The following WWP1 variants were observed in gnomAD, a reference collection of about 807,000 sequenced individuals.
WWP1 encodes the protein NEDD4-like E3 ubiquitin-protein ligase WWP1.
WWP1 carries 49 observed loss-of-function variants against 130.6 expected under a neutral mutation model. The observed-to-expected ratio is 0.38, with a 90% confidence interval of 0.30 to 0.48. WWP1 has a LOEUF of 0.48. Ranked by LOEUF, WWP1 falls within the 20% of genes least tolerant of loss-of-function variation. WWP1 has a pLI of 0.99. For missense variants in WWP1, 809 were observed against 1,100.6 expected, an observed-to-expected ratio of 0.74 and a Z score of 3.75; for synonymous variants, 332 against 367.8, an observed-to-expected ratio of 0.90 and a Z score of 1.11.
intron 1 of WWP1, among the ~76,000 whole-genome samples, chr8:86,365,930 C>G (rs1823942508): frequency 6.6e-6 from 1 of 152,104 alleles, no homozygotes; most frequent in Non-Finnish European, 1.5e-5. Context: ...GGAAGAAAAG[C>G]CCAATGGGAG....
At chr8:86,405,594 C>G (rs1310116412) in intron 8 of WWP1, among the ~76,000 whole-genome samples, 2 of 152,070 alleles carry the variant, frequency 1.3e-5, no homozygotes, top group Non-Finnish European at 2.9e-5. Context: ...TGCAGTAGCA[C>G]CATCATGGCT....
At chr8:86,393,138 T>C (rs1807449986) in intron 5 of WWP1, among the ~76,000 whole-genome samples, 1 of 152,184 alleles carries the variant, frequency 6.6e-6, no homozygotes, top group Non-Finnish European at 1.5e-5. Flanking sequence ...TTAGTTTTTT[T>C]CTCACTAATT....
At chr8:86,421,815 G>T (rs1440509840) in intron 9 of WWP1, among the ~76,000 whole-genome samples, 1 of 151,172 alleles carries the variant, frequency 6.6e-6, no homozygotes, top group African/African-American at 2.4e-5. Context: ...AGAGCGAGAC[G>T]CCATCTCAAA....
At position 86,372,228 on chromosome 8, in the gene WWP1, T is replaced by TA. The variant is rs1320088755; in HGVS notation, c.-21-1801dup. ...TAGTAGAGACGGGGTTTCACCGTGT[T>TA]ACCCAGGATGGTCTCGATCTCCTGA... is the stretch of plus-strand genomic sequence containing the variant. On this transcript the variant is annotated intron_variant, in intron 2 of 24. Coordinates refer to ENST00000517970, the MANE Select transcript of WWP1 (RefSeq NM_007013.4). Among the ~76,000 whole-genome samples, 5 of 151,946 alleles carry TA rather than the reference T, an allele frequency of 3.3e-5. No individual in the cohort carries two copies. The East Asian group carries it at 9.8e-4, about 30-fold the overall frequency.
chr8:86,451,957 T>C (rs1811198124), intron 20 of WWP1, among the ~76,000 whole-genome samples: 1 of 152,222 alleles, frequency 6.6e-6, no homozygotes, highest in Non-Finnish European at 1.5e-5. Flanking sequence ...TCTATTCTAG[T>C]TAGGAAATCT....
At chr8:86,449,158 GT>G (rs1469415847) in intron 20 of WWP1, among the ~76,000 whole-genome samples, 1 of 152,046 alleles carries the variant, frequency 6.6e-6, no homozygotes, top group Non-Finnish European at 1.5e-5. Context: ...TTTAATGGCA[GT>G]TCTTTAAATC....
intron 22 of WWP1, among the ~76,000 whole-genome samples, chr8:86,458,273 A>G (rs1811567130): frequency 1.3e-5 from 2 of 152,164 alleles, no homozygotes; most frequent in Admixed American, 1.3e-4. Flanking sequence ...TAATGTTAAT[A>G]GTTGTAGGCG....
intron 5 of WWP1, among the ~76,000 whole-genome samples, chr8:86,393,310 G>T (rs1257897353): frequency 6.6e-6 from 1 of 152,010 alleles, no homozygotes; most frequent in Non-Finnish European, 1.5e-5. Flanking sequence ...GGGTTGAAGC[G>T]ATTCTCCTTG....
At chr8:86,371,729 TTTAA>T (rs1449808783) in intron 2 of WWP1, among the ~76,000 whole-genome samples, 2 of 152,228 alleles carry the variant, frequency 1.3e-5, no homozygotes, top group Admixed American at 6.5e-5. Context: ...AATACTAATC[TTTAA>T]TTAGTTTTTT....
chr8:86,366,631 T>C (rs1408143413), intron 1 of WWP1, among the ~76,000 whole-genome samples: 1 of 152,198 alleles, frequency 6.6e-6, no homozygotes, highest in African/African-American at 2.4e-5. Flanking sequence ...AATTATATTT[T>C]TATAACAGGA....
At chr8:86,371,286 G>A (rs569807784) in intron 2 of WWP1, among the ~76,000 whole-genome samples, 1 of 152,116 alleles carries the variant, frequency 6.6e-6, no homozygotes, top group South Asian at 2.1e-4. Flanking sequence ...GGACATCTGA[G>A]TATTTTTCAA....
intron 2 of WWP1, among the ~76,000 whole-genome samples, chr8:86,370,910 G>T (rs4961189): frequency 0.46 from 56,608 of 124,312 alleles, 13,462 homozygotes; most frequent in Middle Eastern, 0.58. Context: ...CTGTTGCCCA[G>T]GCTGGAGTGC....
intron 18 of WWP1, 79 bp downstream of exon 18, chr8:86,442,857 G>C: frequency 8.0e-7 from 1 of 1,250,390 alleles, no homozygotes; most frequent in Non-Finnish European, 1.1e-6. Context: ...AAAAAAAAAG[G>C]ATAAGCATTA....
chr8:86,349,875 G>C (rs1822817318), intron 1 of WWP1, among the ~76,000 whole-genome samples: 1 of 151,900 alleles, frequency 6.6e-6, no homozygotes, highest in Non-Finnish European at 1.5e-5. Flanking sequence ...TGCAGAAAAT[G>C]GGCCACAGAT....
intron 20 of WWP1, among the ~76,000 whole-genome samples, chr8:86,450,562 A>G (rs1165321484): frequency 6.6e-6 from 1 of 152,228 alleles, no homozygotes; most frequent in East Asian, 1.9e-4. Flanking sequence ...ACTATGTAAG[A>G]TGTATATTCA....
At chr8:86,419,599 A>G (rs535855171) in intron 9 of WWP1, among the ~76,000 whole-genome samples, 2 of 152,366 alleles carry the variant, frequency 1.3e-5, no homozygotes, top group East Asian at 3.9e-4. Context: ...AGACAGTAAC[A>G]CATAAGGACC....
intron 20 of WWP1, among the ~76,000 whole-genome samples, chr8:86,451,135 A>G (rs1811149328): frequency 6.8e-6 from 1 of 146,026 alleles, no homozygotes; most frequent in East Asian, 2.1e-4. Flanking sequence ...CACTATGGAG[A>G]CTGAGGTGGG....
chr8:86,456,845 A>T (rs1811473661), intron 21 of WWP1, among the ~76,000 whole-genome samples: 1 of 151,978 alleles, frequency 6.6e-6, no homozygotes, highest in Admixed American at 6.6e-5. Context: ...ACAAAAGAGG[A>T]TGTGTGTATA....
chr8:86,461,647 T>G (rs549351259), intron 23 of WWP1, 127 bp from the exon 24 acceptor site: 14 of 774,078 alleles, frequency 1.8e-5, no homozygotes, highest in Non-Finnish European at 3.0e-5. Context: ...CAGAAGCAGC[T>G]TACATTGTGA....
Sources: allele counts gnomAD v4.1 joint callset (sites outside exome capture counted in the v4.1 genomes callset), GRCh38; gene constraint gnomAD v4.1.1; transcripts MANE v1.5; gene names NCBI Gene and HGNC (gene_info 2026-07-23, HGNC 2026-07-21).